The following LRCH1 variants were observed in gnomAD, a reference collection of about 807,000 sequenced individuals.
The protein encoded by LRCH1 is leucine rich repeats and calponin homology domain containing 1.
LRCH1 carries 23 observed loss-of-function variants against 94.9 expected under a neutral mutation model. The ratio of observed to expected loss-of-function variants is 0.24; its 90% CI spans 0.17 to 0.34. The LOEUF (loss-of-function observed/expected upper bound fraction) is 0.34. Among genes scored for constraint, LRCH1 ranks in the 10% least tolerant of loss-of-function variants. The probability of loss-of-function intolerance (pLI) is 1.00; values close to 1 mark genes in which losing one functional copy is unlikely to be tolerated. For missense variants in LRCH1, 790 were observed against 945.9 expected (o/e 0.84, Z 2.16); for synonymous variants, 364 against 354.9 (o/e 1.03, Z -0.29).
At position 46,743,288 on chromosome 13, in the gene LRCH1, A is replaced by T; in HGVS notation, c.*1440A>T. 2.0e-6 allele frequency: 2 copies of T among 985,548 alleles called. No individual in the cohort carries two copies. Among genetic ancestry groups the T allele is most frequent in the Non-Finnish European group, 2.4e-6 (2 of 829,654 alleles). The allele number at this position is 985,548 out of a possible 1,614,324, so 61.1% of individuals were successfully genotyped here. On this transcript the variant is annotated 3_prime_UTR_variant, in exon 20 of 20. Coordinates refer to ENST00000389797, the MANE Select transcript of LRCH1 (RefSeq NM_001164211.2). Reference sequence around the variant, plus strand: ...TATGGAAGACCCACATAGTTAGAAGAATATATTTATAAAGATTCCTTGCTG... The same window carrying T: ...TATGGAAGACCCACATAGTTAGAAGTATATATTTATAAAGATTCCTTGCTG...
chr13:46,603,037 A>G (rs1324549502), intron 1 of LRCH1, among the ~76,000 whole-genome samples: 2 of 152,158 alleles, frequency 1.3e-5, no homozygotes, highest in East Asian at 1.9e-4. Context: ...TTCTTGTCAG[A>G]TAAATGGCTG....
intron 8 of LRCH1, among the ~76,000 whole-genome samples, chr13:46,693,353 C>T (rs116983904): frequency 0.031 from 4,656 of 152,248 alleles, 88 homozygotes; most frequent in Non-Finnish European, 0.047. Context: ...ATCTTTAACA[C>T]AGGCCTTCCA....
chr13:46,709,047 G>A (rs1348975533), intron 13 of LRCH1, among the ~76,000 whole-genome samples: 11 of 152,204 alleles, frequency 7.2e-5, no homozygotes, highest in Non-Finnish European at 1.3e-4. Context: ...TTGATGTACA[G>A]ATCTCTGGGT....
chr13:46,585,564 A>C lies in LRCH1; in HGVS notation c.307+31861A>C, dbSNP rs575060251. ...CGAGACTGCATCTCAAAAAAAAAAA[A>C]AAAAAAACAAAAAAACGCATTTCTA... On this transcript the variant is annotated intron_variant, in intron 1 of 19. Transcript: ENST00000389797. Among the ~76,000 whole-genome samples the C allele has an allele frequency of 6.0e-4, 91 of 151,968 alleles. No homozygotes were observed. The East Asian group carries it at 6.2e-3, about 10-fold the overall frequency.
At chr13:46,561,507 C>G (rs1237717612) in intron 1 of LRCH1, among the ~76,000 whole-genome samples, 1 of 152,138 alleles carries the variant, frequency 6.6e-6, no homozygotes, top group African/African-American at 2.4e-5. Context: ...GACAGCTGAC[C>G]CCTGCAGTGT....
At chr13:46,724,534 G>C (rs957378437) in intron 17 of LRCH1, among the ~76,000 whole-genome samples, 1 of 152,184 alleles carries the variant, frequency 6.6e-6, no homozygotes, top group African/African-American at 2.4e-5. Flanking sequence ...ACTTGGAGCT[G>C]GCAGGGACCA....
At chr13:46,652,177 C>T (rs1187735296) in intron 2 of LRCH1, among the ~76,000 whole-genome samples, 3 of 151,784 alleles carry the variant, frequency 2.0e-5, no homozygotes, top group Non-Finnish European at 4.4e-5. Context: ...CCCGGGTTCA[C>T]GCCGTTCTAC....
At chr13:46,700,948 G>A (rs1395384439) in intron 10 of LRCH1, among the ~76,000 whole-genome samples, 173 bp from the exon 11 acceptor site, 3 of 152,170 alleles carry the variant, frequency 2.0e-5, no homozygotes, top group Non-Finnish European at 2.9e-5. Flanking sequence ...TCTTCCCACC[G>A]TGCTCTGCCA....
At chr13:46,713,882 G>C (rs989817633) in intron 15 of LRCH1, among the ~76,000 whole-genome samples, 1 of 152,222 alleles carries the variant, frequency 6.6e-6, no homozygotes, top group Non-Finnish European at 1.5e-5. Context: ...TTGAGCTGCA[G>C]ACTGTCTCCT....
chr13:46,660,326 A>C (rs1566206710), intron 2 of LRCH1, among the ~76,000 whole-genome samples: 1 of 151,882 alleles, frequency 6.6e-6, no homozygotes, highest in African/African-American at 2.4e-5. Flanking sequence ...GGAGTCAATA[A>C]GTTTTTTTAA....
In LRCH1 at chr13:46,723,234, T is replaced by A; in HGVS notation, c.1773T>A (p.Pro591=). The change falls in exon 17 of 20, where the codon CCT becomes CCA. Residue 591 remains proline (P), a synonymous_variant. Coordinates refer to ENST00000389797, the MANE Select transcript of LRCH1 (RefSeq NM_001164211.2). The part of the protein sequence containing the change: ...EGDSDNVFLR[P]QRNLESIDPQ... ...TTTGTATTGTAGTGTTTCTAAGACCTCAGAGAAATTTGGAATCTATAGACC... is the reference window on the plus strand; with the variant it reads ...TTTGTATTGTAGTGTTTCTAAGACCACAGAGAAATTTGGAATCTATAGACC... 1 of 1,609,542 alleles carries A rather than the reference T, an allele frequency of 6.2e-7. No individual in the cohort carries two copies. Among genetic ancestry groups the A allele is most frequent in the Non-Finnish European group, 8.5e-7 (1 of 1,176,262 alleles).
rs185904905 is a variant in LRCH1 at position 46,676,474 on chromosome 13, G to A, written c.580-5267G>A. Among the ~76,000 whole-genome samples the A allele has an allele frequency of 1.7e-3, 262 of 152,202 alleles. 1 individual carries two copies. The highest frequency in any genetic ancestry group is 3.1e-3 in the Non-Finnish European group (214 of 68,012). On this transcript the variant is annotated intron_variant, in intron 3 of 19. Transcript: ENST00000389797. The stretch of plus-strand genomic sequence containing the variant: ...TTCTTTTGATAGAGACACAGAAAGG[G>A]TAAGACATTTACCTAAAGTTACACA...
intron 1 of LRCH1, among the ~76,000 whole-genome samples, chr13:46,606,187 G>A (rs992421099): frequency 6.8e-6 from 1 of 147,790 alleles, no homozygotes; most frequent in Non-Finnish European, 1.5e-5. Flanking sequence ...TGTATAAGTC[G>A]TTCTAAAGTA....
chr13:46,657,708 T>TTTTTTTTTTTTTTTA, intron 2 of LRCH1, among the ~76,000 whole-genome samples: 1 of 136,874 alleles, frequency 7.3e-6, no homozygotes, highest in African/African-American at 2.7e-5. Flanking sequence ...TTTTTTTTTT[T>TTTTTTTTTTTTTTTA]GGTAGAGATG....
intron 1 of LRCH1, among the ~76,000 whole-genome samples, chr13:46,564,007 C>T (rs2050156031): frequency 6.6e-6 from 1 of 150,500 alleles, no homozygotes; most frequent in South Asian, 2.1e-4. Context: ...GTGGGCCTCC[C>T]AAAAAACAAA....
At chr13:46,583,119 CT>C (rs1360921419) in intron 1 of LRCH1, among the ~76,000 whole-genome samples, 1 of 152,078 alleles carries the variant, frequency 6.6e-6, no homozygotes, top group Non-Finnish European at 1.5e-5. Flanking sequence ...AACACAAAAC[CT>C]TTTTATCTTT....
At chr13:46,710,145 TG>T (rs1871982974) in intron 13 of LRCH1, among the ~76,000 whole-genome samples, 1 of 152,082 alleles carries the variant, frequency 6.6e-6, no homozygotes, top group South Asian at 2.1e-4. Flanking sequence ...TTTTTTTAAT[TG>T]TGGGGGTAAG....
chr13:46,718,412 G>C (rs1872432041), intron 16 of LRCH1, among the ~76,000 whole-genome samples: 1 of 152,096 alleles, frequency 6.6e-6, no homozygotes, highest in Non-Finnish European at 1.5e-5. Context: ...TCTTAACTCT[G>C]GTTTTATATT....
At chr13:46,636,236 TA>T (rs1248068255) in intron 1 of LRCH1, among the ~76,000 whole-genome samples, 5 of 151,632 alleles carry the variant, frequency 3.3e-5, no homozygotes, top group Non-Finnish European at 5.9e-5. Flanking sequence ...GCCTGGCTAA[TA>T]TTTTTTTGTA....
Sources: gnomAD v4.1 joint callset for allele counts (sites outside exome capture counted in the v4.1 genomes callset) on GRCh38, gnomAD v4.1.1 for gene constraint, MANE v1.5 for transcripts, NCBI Gene and HGNC (gene_info 2026-07-23, HGNC 2026-07-21) for gene names.